PDE2A: variants seen among roughly 807,000 people sequenced by gnomAD.
PDE2A encodes phosphodiesterase 2A.
In PDE2A, 53 loss-of-function variants were observed where a neutral mutation model predicts 133.6. The ratio of observed to expected loss-of-function variants is 0.40; its 90% CI spans 0.32 to 0.50. The LOEUF (loss-of-function observed/expected upper bound fraction) is 0.50, where lower values mean the gene tolerates loss of function less well. Among genes scored for constraint, PDE2A ranks in the 20% least tolerant of loss-of-function variants. The pLI is 0.73. For synonymous variants in PDE2A, 491 were observed against 490.2 expected, an observed-to-expected ratio of 1.00 and a Z score of -0.02; for missense variants, 796 against 1,232.4, an observed-to-expected ratio of 0.65 and a Z score of 5.30.
At chr11:72,651,674 A>G (rs11601122) in intron 1 of PDE2A, among the ~76,000 whole-genome samples, 21,844 of 152,218 alleles carry the variant, frequency 0.14, 1,723 homozygotes, top group South Asian at 0.23. Context: ...TGGCACTCCC[A>G]ACAGCTCAGA....
At chr11:72,624,786 T>A (rs1352041083) in intron 2 of PDE2A, among the ~76,000 whole-genome samples, 2 of 152,222 alleles carry the variant, frequency 1.3e-5, no homozygotes, top group Non-Finnish European at 2.9e-5. Flanking sequence ...ACTGTACACA[T>A]CTGCTATCAT....
intron 2 of PDE2A, among the ~76,000 whole-genome samples, chr11:72,629,498 C>T (rs2135413224): frequency 6.6e-6 from 1 of 152,346 alleles, no homozygotes; most frequent in East Asian, 1.9e-4. Flanking sequence ...CTGGGGGGAG[C>T]CCCGCCCCAT....
Position 72,579,306 on chromosome 11 carries a change from C to T in PDE2A, c.2334G>A (p.Lys778=). 6.2e-7 allele frequency: 1 copy of T among 1,613,440 alleles called. No homozygotes were observed. The highest frequency in any genetic ancestry group is 8.5e-7 in the Non-Finnish European group (1 of 1,179,524). ...CACCCTCAGCCATCTTCTGGAGGTCCTTGAAGATGCGGAGATGGTGGGCCA... is the reference window on the plus strand; with the variant it reads ...CACCCTCAGCCATCTTCTGGAGGTCTTTGAAGATGCGGAGATGGTGGGCCA... The part of the protein sequence containing the change: ...TDLAHHLRIF[K]DLQKMAEVGY... The change falls in exon 27 of 31, where the codon AAG becomes AAA. Residue 778 remains lysine, a synonymous_variant. Coordinates refer to ENST00000334456, the MANE Select transcript of PDE2A (RefSeq NM_002599.5).
chr11:72,594,958 C>T lies in PDE2A; in HGVS notation c.489+1635G>A, dbSNP rs72960158. ...TGAAGGCAGAGTCGGCTCCAGCACC[C>T]AGCCTGCCGCAGGACCAGACCAGAG... On this transcript the variant is annotated intron_variant, in intron 6 of 30. Transcript: ENST00000334456. Among the ~76,000 whole-genome samples the T allele has an allele frequency of 5.8e-3, 878 of 152,252 alleles. 3 individuals are homozygous for T. The highest frequency in any genetic ancestry group is 0.014 in the Middle Eastern group (4 of 294).
chr11:72,659,043 T>A (rs1854977626), intron 1 of PDE2A, among the ~76,000 whole-genome samples: 1 of 151,928 alleles, frequency 6.6e-6, no homozygotes, highest in African/African-American at 2.4e-5. Flanking sequence ...CCTTATAATA[T>A]GCATGCAGGT....
In PDE2A at chr11:72,642,253, C is replaced by A; in HGVS notation, c.144+1G>T. 6.5e-7 allele frequency: 1 copy of A among 1,529,558 alleles called. No homozygotes were observed. Among genetic ancestry groups the A allele is most frequent in the Non-Finnish European group, 8.8e-7 (1 of 1,140,732 alleles). The allele number at this position is 1,529,558 out of a possible 1,614,324, so 94.7% of individuals were successfully genotyped here. A position where few individuals can be genotyped will look rare whatever the true frequency, so the allele number is the denominator to read the frequency against. On this transcript the variant is annotated splice_donor_variant, in intron 2 of 30. Coordinates refer to ENST00000334456, the MANE Select transcript of PDE2A (RefSeq NM_002599.5). LOFTEE classifies it high-confidence loss of function. ...GGTGCCCAGCGCGGGGGCCCCCCTA[C>A]CTGCAGGCTGTCGGCGCATGGCTGC...
At chr11:72,591,063 T>G (rs1233185219) in intron 7 of PDE2A, 9 of 520,306 alleles carry the variant, frequency 1.7e-5, no homozygotes, top group Non-Finnish European at 2.4e-5. Flanking sequence ...ACAAGATATT[T>G]GACCAGTTTT....
chr11:72,623,335 C>T (rs1342556918), intron 2 of PDE2A, among the ~76,000 whole-genome samples: 1 of 152,136 alleles, frequency 6.6e-6, no homozygotes, highest in Admixed American at 6.5e-5. Flanking sequence ...CTCCTGGTCT[C>T]CTCTGCCTCC....
intron 1 of PDE2A, among the ~76,000 whole-genome samples, chr11:72,670,572 C>T (rs767110064): frequency 9.2e-5 from 14 of 152,352 alleles, no homozygotes; most frequent in Non-Finnish European, 1.6e-4. Flanking sequence ...TCTGTCCTCA[C>T]TCCCTTATTT....
chr11:72,601,140 C>A (rs1245864673), intron 4 of PDE2A, among the ~76,000 whole-genome samples: 1 of 129,804 alleles, frequency 7.7e-6, no homozygotes, highest in South Asian at 2.8e-4. Context: ...GGAACCCCCA[C>A]CCTCACTGAG....
chr11:72,620,032 G>C (rs1422524063), intron 2 of PDE2A, among the ~76,000 whole-genome samples: 2 of 152,176 alleles, frequency 1.3e-5, no homozygotes, highest in Non-Finnish European at 2.9e-5. Flanking sequence ...TGAGGGGAAA[G>C]GCTTGGTGAG....
At chr11:72,670,938 T>C (rs564809257) in intron 1 of PDE2A, among the ~76,000 whole-genome samples, 50 of 151,836 alleles carry the variant, frequency 3.3e-4, no homozygotes, top group African/African-American at 1.2e-3. Context: ...TTGTAGAGAG[T>C]ACTAAAACAA....
chr11:72,666,576 G>C (rs1019322748), intron 1 of PDE2A, among the ~76,000 whole-genome samples: 2 of 152,132 alleles, frequency 1.3e-5, no homozygotes, highest in African/African-American at 4.8e-5. Flanking sequence ...AGGAGAAAAA[G>C]TATTGAATAG....
At chr11:72,647,884 G>C (rs564340515) in intron 1 of PDE2A, among the ~76,000 whole-genome samples, 1 of 152,222 alleles carries the variant, frequency 6.6e-6, no homozygotes, top group East Asian at 1.9e-4. Flanking sequence ...TGATACTGCA[G>C]TGGTATAGCT....
chr11:72,602,602 G>GA (rs925509295), intron 4 of PDE2A, among the ~76,000 whole-genome samples: 5 of 152,064 alleles, frequency 3.3e-5, no homozygotes, highest in Non-Finnish European at 1.5e-5. Flanking sequence ...CCATTTCACA[G>GA]AAAAAAGGCC....
chr11:72,615,706 A>G lies in PDE2A; in HGVS notation c.145-6955T>C, dbSNP rs1591074890. Among the ~76,000 whole-genome samples, 3 of 152,044 alleles carry G rather than the reference A, an allele frequency of 2.0e-5. No individual in the cohort carries two copies. The East Asian group carries it at 5.8e-4, about 30-fold the overall frequency. ...ACAAACTTCCTCCCAAACACATCACAGCATCCCCCTCTCCATGCCATCACA... is the reference window on the plus strand; with the variant it reads ...ACAAACTTCCTCCCAAACACATCACGGCATCCCCCTCTCCATGCCATCACA... On this transcript the variant is annotated intron_variant, in intron 2 of 30. Transcript: ENST00000334456.
intron 2 of PDE2A, among the ~76,000 whole-genome samples, chr11:72,632,073 C>A (rs1858425460): frequency 6.6e-6 from 1 of 152,126 alleles, no homozygotes; most frequent in Non-Finnish European, 1.5e-5. Context: ...CCTGCTAGTC[C>A]CTGCTAGGAA....
chr11:72,593,656 G>C (rs1360199260), intron 6 of PDE2A, among the ~76,000 whole-genome samples: 1 of 152,102 alleles, frequency 6.6e-6, no homozygotes, highest in Non-Finnish European at 1.5e-5. Context: ...CTCCTCAAAG[G>C]GACTTATTAT....
At chr11:72,612,724 G>A (rs1445751001) in intron 2 of PDE2A, among the ~76,000 whole-genome samples, 1 of 149,276 alleles carries the variant, frequency 6.7e-6, no homozygotes, top group Non-Finnish European at 1.5e-5. Context: ...TAGATGGGTG[G>A]CTGGGTGGGT....
Sources: gnomAD v4.1 joint callset for allele counts (sites outside exome capture counted in the v4.1 genomes callset) on GRCh38, gnomAD v4.1.1 for gene constraint, MANE v1.5 for transcripts, NCBI Gene and HGNC (gene_info 2026-07-23, HGNC 2026-07-21) for gene names.